Variants in SLC35F1 observed in about 807,000 individuals in gnomAD.
SLC35F1 encodes the protein chromosome 6 open reading frame 169.
A neutral mutation model predicts 48.7 loss-of-function variants in SLC35F1; 14 were observed. The ratio of observed to expected loss-of-function variants is 0.29; its 90% CI spans 0.19 to 0.45. SLC35F1 has a LOEUF of 0.45. Ranked by LOEUF, SLC35F1 falls within the 20% of genes least tolerant of loss-of-function variation. The probability of loss-of-function intolerance (pLI) is 1.00; values close to 1 mark genes in which losing one functional copy is unlikely to be tolerated. For synonymous variants in SLC35F1, 190 were observed against 202.2 expected (o/e 0.94, Z 0.51); for missense variants, 404 against 500.0 (o/e 0.81, Z 1.83).
intron 2 of SLC35F1, among the ~76,000 whole-genome samples, chr6:118,210,468 C>A (rs1367507338): frequency 1.3e-5 from 2 of 152,130 alleles, no homozygotes; most frequent in African/African-American, 4.8e-5. Flanking sequence ...AAACGAAGTA[C>A]AAACAAAAGA....
chr6:118,190,791 A>T (rs1051442949), intron 2 of SLC35F1, among the ~76,000 whole-genome samples: 1 of 152,178 alleles, frequency 6.6e-6, no homozygotes, highest in Admixed American at 6.6e-5. Context: ...AAAGTCAAAT[A>T]GATCAAAGAA....
chr6:118,223,994 G>A (rs1189402937), intron 2 of SLC35F1, among the ~76,000 whole-genome samples: 1 of 152,100 alleles, frequency 6.6e-6, no homozygotes, highest in Non-Finnish European at 1.5e-5. Context: ...TGCTAATGTC[G>A]GGAGACATCA....
At chr6:118,080,476 A>G (rs1772891722) in intron 1 of SLC35F1, among the ~76,000 whole-genome samples, 1 of 152,224 alleles carries the variant, frequency 6.6e-6, no homozygotes, top group Admixed American at 6.5e-5. Flanking sequence ...TCATGGCTAA[A>G]GCTTTGATCC....
At position 118,041,945 on chromosome 6, in the gene SLC35F1, TA is replaced by T. The variant is rs35415493; in HGVS notation, c.174-112489del. ...CTACAGCCAAACAGACCATCTTCTTTAAAAAAAAAAAGCATCATCTGTACTT... is the reference window on the plus strand; with the variant it reads ...CTACAGCCAAACAGACCATCTTCTTTAAAAAAAAAAGCATCATCTGTACTT... On this transcript the variant is annotated intron_variant, in intron 1 of 7. Transcript: ENST00000360388. Among the ~76,000 whole-genome samples, 205 of 146,598 alleles carry T rather than the reference TA, an allele frequency of 1.4e-3. 2 individuals are homozygous for T. The East Asian group carries it at 0.03, about 22-fold the overall frequency.
chr6:118,282,395 T>A (rs1775995134), intron 6 of SLC35F1, among the ~76,000 whole-genome samples: 1 of 150,854 alleles, frequency 6.6e-6, no homozygotes, highest in South Asian at 2.1e-4. Context: ...TATATTCCAC[T>A]CCTGTCCCCC....
At chr6:118,202,446 A>G (rs1158693847) in intron 2 of SLC35F1, among the ~76,000 whole-genome samples, 1 of 152,146 alleles carries the variant, frequency 6.6e-6, no homozygotes, top group South Asian at 2.1e-4. Flanking sequence ...GCAGTGAGCT[A>G]TGTTTGCACC....
intron 1 of SLC35F1, among the ~76,000 whole-genome samples, chr6:118,110,378 T>C (rs1463351041): frequency 6.6e-6 from 1 of 151,986 alleles, no homozygotes; most frequent in African/African-American, 2.4e-5. Flanking sequence ...TAAACTGTAA[T>C]TGACAAATTG....
intron 1 of SLC35F1, among the ~76,000 whole-genome samples, chr6:117,940,703 C>A (rs1022601631): frequency 4.6e-5 from 7 of 151,784 alleles, no homozygotes; most frequent in African/African-American, 1.7e-4. Flanking sequence ...GGCTGTAGTA[C>A]AGTGGCATAA....
chr6:118,002,382 A>G (rs1279047235), intron 1 of SLC35F1, among the ~76,000 whole-genome samples: 1 of 151,820 alleles, frequency 6.6e-6, no homozygotes. Flanking sequence ...GTTCTCACTC[A>G]TAGGTGGGAA....
chr6:117,914,083 A>AT (rs1775796444), intron 1 of SLC35F1, among the ~76,000 whole-genome samples: 1 of 138,268 alleles, frequency 7.2e-6, no homozygotes, highest in African/African-American at 2.7e-5. Context: ...AAACAAAAGA[A>AT]TCCTATCTAT....
chr6:118,176,676 T>C (rs1354979755), intron 2 of SLC35F1, among the ~76,000 whole-genome samples: 2 of 152,176 alleles, frequency 1.3e-5, no homozygotes, highest in African/African-American at 4.8e-5. Context: ...ACATATTGTT[T>C]TATGACAAAG....
At chr6:118,144,592 A>AC (rs1773943185) in intron 1 of SLC35F1, among the ~76,000 whole-genome samples, 1 of 143,998 alleles carries the variant, frequency 6.9e-6, no homozygotes, top group Non-Finnish European at 1.5e-5. Flanking sequence ...GAACTTAAAA[A>AC]AAAAAAAAAT....
intron 1 of SLC35F1, among the ~76,000 whole-genome samples, chr6:118,116,554 C>T (rs1170728263): frequency 6.6e-6 from 1 of 152,152 alleles, no homozygotes; most frequent in Non-Finnish European, 1.5e-5. Context: ...AATATCCTCT[C>T]GTTTCCTTTC....
intron 1 of SLC35F1, among the ~76,000 whole-genome samples, chr6:117,988,160 G>A (rs547117364): frequency 6.6e-6 from 1 of 152,304 alleles, no homozygotes; most frequent in South Asian, 2.1e-4. Context: ...TCGAGCCCCA[G>A]CAAAGAGCAG....
chr6:118,239,988 A>G (rs1323832173), intron 3 of SLC35F1, among the ~76,000 whole-genome samples: 1 of 152,224 alleles, frequency 6.6e-6, no homozygotes, highest in African/African-American at 2.4e-5. Context: ...CTACAGATTT[A>G]TGGAACTGAC....
chr6:118,119,786 G>A (rs1773529557), intron 1 of SLC35F1, among the ~76,000 whole-genome samples: 1 of 152,060 alleles, frequency 6.6e-6, no homozygotes, highest in African/African-American at 2.4e-5. Flanking sequence ...TTAATAAACT[G>A]AGTATACAAC....
At chr6:118,230,970 A>G (rs1348303989) in intron 2 of SLC35F1, among the ~76,000 whole-genome samples, 1 of 152,154 alleles carries the variant, frequency 6.6e-6, no homozygotes, top group African/African-American at 2.4e-5. Context: ...GAAACAAGCA[A>G]ACAAACAAAA....
intron 1 of SLC35F1, among the ~76,000 whole-genome samples, chr6:117,975,953 G>A (rs540684049): frequency 5.3e-5 from 8 of 152,202 alleles, no homozygotes; most frequent in Non-Finnish European, 1.0e-4. Context: ...GTCCTCCACT[G>A]TGATAACTTC....
chr6:118,234,648 C>T (rs912029864), intron 2 of SLC35F1, among the ~76,000 whole-genome samples: 7 of 152,170 alleles, frequency 4.6e-5, no homozygotes, highest in Non-Finnish European at 8.8e-5. Context: ...TTTTAAACAG[C>T]TCTGTCTCTG....
Sources: gnomAD v4.1 joint callset for allele counts (sites outside exome capture counted in the v4.1 genomes callset) on GRCh38, gnomAD v4.1.1 for gene constraint, MANE v1.5 for transcripts, NCBI Gene and HGNC (gene_info 2026-07-23, HGNC 2026-07-21) for gene names.